Variants in TUSC3 observed in about 807,000 individuals in gnomAD.
TUSC3 encodes the protein dolichyl-diphosphooligosaccharide--protein glycosyltransferase subunit TUSC3.
A neutral mutation model predicts 44.8 loss-of-function variants in TUSC3; 45 were observed. The ratio of observed to expected loss-of-function variants is 1.00; its 90% CI spans 0.79 to 1.29. TUSC3 has a LOEUF of 1.29. Among genes scored for constraint, TUSC3 ranks in the 50% most tolerant of loss-of-function variants. The pLI is 0.00. For synonymous variants in TUSC3, 212 were observed against 152.9 expected, an observed-to-expected ratio of 1.39 and a Z score of -2.85; for missense variants, 519 against 437.9, an observed-to-expected ratio of 1.19 and a Z score of -1.65.
At chr8:15,786,352 C>G in the TUSC3 span, among the ~76,000 whole-genome samples, 5 of 152,166 alleles carry the variant, frequency 3.3e-5, no homozygotes, top group Admixed American at 3.3e-4. Context: ...AAGGTACAGT[C>G]TGTCTCTATA....
chr8:15,499,564 C>G (rs1800930471), intron 2 of TUSC3, among the ~76,000 whole-genome samples: 1 of 152,174 alleles, frequency 6.6e-6, no homozygotes, highest in African/African-American at 2.4e-5. Context: ...TGTCTGCATT[C>G]TGTCATTCAA....
chr8:15,484,924 T>C (rs997937359), intron 2 of TUSC3, among the ~76,000 whole-genome samples: 11 of 152,230 alleles, frequency 7.2e-5, no homozygotes, highest in African/African-American at 2.4e-4. Context: ...ACTATTTCTT[T>C]GTAAAAACTT....
chr8:15,803,423 T>C, the TUSC3 span, among the ~76,000 whole-genome samples: 1 of 152,272 alleles, frequency 6.6e-6, no homozygotes, highest in African/African-American at 2.4e-5. Context: ...ACATTTCCAA[T>C]TGAAGATGAG....
At chr8:15,422,854 G>A (rs1274817865) in intron 1 of TUSC3, among the ~76,000 whole-genome samples, 1 of 151,994 alleles carries the variant, frequency 6.6e-6, no homozygotes. Flanking sequence ...TGTTGTACAG[G>A]CTGGTCACAA....
chr8:15,456,167 C>T, intron 1 of TUSC3, among the ~76,000 whole-genome samples: 1 of 152,186 alleles, frequency 6.6e-6, no homozygotes, highest in East Asian at 1.9e-4. Context: ...TGAAAAACCT[C>T]TAACTTCACA....
At chr8:15,533,166 G>A (rs952518645) in intron 2 of TUSC3, among the ~76,000 whole-genome samples, 1 of 152,160 alleles carries the variant, frequency 6.6e-6, no homozygotes. Context: ...CACGTAAGAT[G>A]TGACTTGCTC....
chr8:15,685,757 T>C (rs1210971583), intron 6 of TUSC3, among the ~76,000 whole-genome samples: 1 of 152,180 alleles, frequency 6.6e-6, no homozygotes, highest in African/African-American at 2.4e-5. Context: ...ATTCTGATTC[T>C]ATCTTTAATA....
chr8:15,499,329 C>G, intron 2 of TUSC3, among the ~76,000 whole-genome samples: 1 of 152,170 alleles, frequency 6.6e-6, no homozygotes, highest in East Asian at 1.9e-4. Context: ...GCTTTTAAAT[C>G]AGTTTTGTCA....
rs146268029 is a variant in TUSC3 at position 15,678,832 on chromosome 8, G to A, written c.798+4996G>A. Among the ~76,000 whole-genome samples, 282 of 152,104 alleles carry A rather than the reference G, an allele frequency of 1.9e-3. 2 individuals are homozygous for A. The highest frequency in any genetic ancestry group is 0.01 in the Middle Eastern group (3 of 294). ...ATCTGTTGTTCTAATGTATATGTTC[G>A]TATGCACCCAAGGTTTAGCTCCCAC... On this transcript the variant is annotated intron_variant, in intron 6 of 10. Transcript: ENST00000503731.
At chr8:15,699,026 T>C (rs1809287048) in intron 6 of TUSC3, among the ~76,000 whole-genome samples, 1 of 152,042 alleles carries the variant, frequency 6.6e-6, no homozygotes, top group Non-Finnish European at 1.5e-5. Context: ...TTTAAAATTT[T>C]TTGTAGAGAC....
intron 2 of TUSC3, among the ~76,000 whole-genome samples, chr8:15,491,711 G>A (rs1317253724): frequency 6.6e-6 from 1 of 152,066 alleles, no homozygotes; most frequent in Non-Finnish European, 1.5e-5. Context: ...GCACCATCTG[G>A]GAACCTTGTA....
the TUSC3 span, among the ~76,000 whole-genome samples, chr8:15,804,824 A>G: frequency 6.6e-6 from 1 of 152,180 alleles, no homozygotes; most frequent in Admixed American, 6.6e-5. Flanking sequence ...CTTTGGTTCT[A>G]TGTGAATTTT....
chr8:15,697,064 C>T (rs1207257061), intron 6 of TUSC3, among the ~76,000 whole-genome samples: 1 of 152,154 alleles, frequency 6.6e-6, no homozygotes, highest in Non-Finnish European at 1.5e-5. Context: ...AGTTTAGGCA[C>T]TTAAAGGTGT....
At chr8:15,801,164 G>A in the TUSC3 span, among the ~76,000 whole-genome samples, 7 of 152,268 alleles carry the variant, frequency 4.6e-5, no homozygotes, top group South Asian at 8.3e-4. Context: ...CATTTTTAAT[G>A]GTTATTTCTT....
chr8:15,757,009 G>A (rs1811954364), intron 9 of TUSC3, among the ~76,000 whole-genome samples: 2 of 152,096 alleles, frequency 1.3e-5, no homozygotes, highest in Non-Finnish European at 2.9e-5. Flanking sequence ...GGTGGCACAC[G>A]CCTGTAGTCC....
At chr8:15,815,955 A>G in the TUSC3 span, among the ~76,000 whole-genome samples, 20 of 152,304 alleles carry the variant, frequency 1.3e-4, no homozygotes, top group Non-Finnish European at 2.6e-4. Flanking sequence ...GTAGCAATTA[A>G]TGGGACAAAC....
intron 2 of TUSC3, among the ~76,000 whole-genome samples, chr8:15,631,670 G>T (rs929175357): frequency 4.2e-4 from 7 of 16,582 alleles, no homozygotes; most frequent in Non-Finnish European, 8.6e-4. Context: ...TAAGGCTGTT[G>T]TGTGTGTGTG....
chr8:15,465,537 C>G (rs987811125), intron 1 of TUSC3, among the ~76,000 whole-genome samples: 35 of 152,032 alleles, frequency 2.3e-4, no homozygotes, highest in African/African-American at 8.5e-4. Context: ...TGTTAAAATG[C>G]TTTTTAAAAA....
At chr8:15,534,205 C>A (rs1585078827) in intron 2 of TUSC3, among the ~76,000 whole-genome samples, 1 of 152,120 alleles carries the variant, frequency 6.6e-6, no homozygotes, top group East Asian at 1.9e-4. Flanking sequence ...ATGAAAAGAT[C>A]TTAGTTGCAA....
Sources: allele counts gnomAD v4.1 joint callset (sites outside exome capture counted in the v4.1 genomes callset), GRCh38; gene constraint gnomAD v4.1.1; transcripts MANE v1.5; gene names NCBI Gene and HGNC (gene_info 2026-07-23, HGNC 2026-07-21).